The following GPR158 variants were observed in gnomAD, a reference collection of about 807,000 sequenced individuals.
GPR158 encodes the protein metabotropic glycine receptor.
A neutral mutation model predicts 78.2 loss-of-function variants in GPR158; 30 were observed. That is an observed-to-expected ratio of 0.38 (90% CI 0.29 to 0.52). The LOEUF is 0.52. Among genes scored for constraint, GPR158 ranks in the 20% least tolerant of loss-of-function variants. The pLI is 0.83. For synonymous variants in GPR158, 581 were observed against 591.1 expected, an observed-to-expected ratio of 0.98 and a Z score of 0.25; for missense variants, 1,463 against 1,523.5, an observed-to-expected ratio of 0.96 and a Z score of 0.66.
chr10:25,288,713 T>C (rs1854389200), intron 2 of GPR158, among the ~76,000 whole-genome samples: 1 of 152,198 alleles, frequency 6.6e-6, no homozygotes, highest in African/African-American at 2.4e-5. Context: ...TAAATATCTG[T>C]AGTTGGGAAT....
intron 2 of GPR158, among the ~76,000 whole-genome samples, chr10:25,296,609 C>T (rs919064140): frequency 5.3e-5 from 8 of 151,582 alleles, no homozygotes; most frequent in Non-Finnish European, 8.8e-5. Context: ...AAAATGAGTA[C>T]CCAGTATGTT....
At chr10:25,450,078 A>G (rs1835193527) in intron 4 of GPR158, among the ~76,000 whole-genome samples, 1 of 152,052 alleles carries the variant, frequency 6.6e-6, no homozygotes, top group Non-Finnish European at 1.5e-5. Flanking sequence ...TCAGAAAAAC[A>G]AAAAACTAAA....
intron 1 of GPR158, among the ~76,000 whole-genome samples, chr10:25,200,136 T>A (rs1409075229): frequency 6.6e-6 from 1 of 152,186 alleles, no homozygotes; most frequent in Non-Finnish European, 1.5e-5. Context: ...CCACCAATAG[T>A]GTATAAGTGT....
Position 25,176,198 on chromosome 10 carries a change from AAG to A in GPR158, c.781_782del (p.Ser261ProfsTer34). On this transcript the variant is annotated frameshift_variant, in exon 1 of 11. Coordinates refer to ENST00000376351, the MANE Select transcript of GPR158 (RefSeq NM_020752.3). LOFTEE classifies it high-confidence loss of function. This position sits in a 1 kb window ranked among gnomAD's most constrained non-coding sequence, Gnocchi z 6.3. Reference sequence around the variant, plus strand: ...GCGCAAGGACGGGCTCGGCGGGGACAAGAGCCACTTCAAGTGGTCTCCGCCTT... The same window carrying A: ...GCGCAAGGACGGGCTCGGCGGGGACAAGCCACTTCAAGTGGTCTCCGCCTT... ...WRRKDGLGGDKSHFKWSPPYL... is the reference protein window; with the variant it reads ...WRRKDGLGGDXSHFKWSPPYL... 1 of 1,583,560 alleles carries A rather than the reference AAG, an allele frequency of 6.3e-7. No homozygotes were observed. Among genetic ancestry groups the A allele is most frequent in the Non-Finnish European group, 8.6e-7 (1 of 1,165,904 alleles).
chr10:25,304,750 T>C (rs749676984), intron 2 of GPR158, among the ~76,000 whole-genome samples: 1 of 152,086 alleles, frequency 6.6e-6, no homozygotes, highest in Non-Finnish European at 1.5e-5. Context: ...GGCTAATAAG[T>C]ATCACAGTGA....
chr10:25,505,226 A>G (rs1362311037), intron 5 of GPR158, among the ~76,000 whole-genome samples: 1 of 152,140 alleles, frequency 6.6e-6, no homozygotes, highest in Non-Finnish European at 1.5e-5. Flanking sequence ...AGTAAAGGAG[A>G]TGTGTGAGGT....
In GPR158 at chr10:25,370,672, T is replaced by C. The variant is rs560479180; in HGVS notation, c.1009-25239T>C. 4.7e-5 allele frequency among the ~76,000 whole-genome samples: 7 copies of C among 150,534 alleles called. No individual in the cohort carries two copies. The South Asian group carries it at 1.5e-3, about 32-fold the overall frequency. ...GATTTGGGGTGGAGAGTTCTGTAGA[T>C]GTCTATTAGGTCCGCTTGATGCAGA... On this transcript the variant is annotated intron_variant, in intron 2 of 10. Transcript: ENST00000376351.
intron 2 of GPR158, among the ~76,000 whole-genome samples, chr10:25,228,552 G>T (rs1251964827): frequency 6.6e-6 from 1 of 152,132 alleles, no homozygotes; most frequent in African/African-American, 2.4e-5. Context: ...AGGTTCTCCA[G>T]TATGGTTTAA....
chr10:25,446,301 G>C (rs1043253022), intron 4 of GPR158, among the ~76,000 whole-genome samples: 3 of 152,146 alleles, frequency 2.0e-5, no homozygotes, highest in African/African-American at 4.8e-5. Context: ...ACAGCTCTCT[G>C]TGAGTCAGGA....
At chr10:25,282,842 A>G (rs948480087) in intron 2 of GPR158, among the ~76,000 whole-genome samples, 5 of 152,106 alleles carry the variant, frequency 3.3e-5, no homozygotes, top group African/African-American at 1.2e-4. Context: ...CTTATGAATT[A>G]TCTGAGTTCT....
chr10:25,466,635 T>G lies in GPR158; in HGVS notation c.1336-16T>G. 6.3e-7 allele frequency: 1 copy of G among 1,577,508 alleles called. No individual in the cohort carries two copies. The highest frequency in any genetic ancestry group is 1.1e-5 in the South Asian group (1 of 87,786). ...AAATGTAAGTTAGTAATGACGTTTTTATTTTGTTTTTTCAGAGCATCCGGG... is the reference window on the plus strand; with the variant it reads ...AAATGTAAGTTAGTAATGACGTTTTGATTTTGTTTTTTCAGAGCATCCGGG... On this transcript the variant is annotated splice_polypyrimidine_tract_variant and intron_variant, in intron 4 of 10. Transcript: ENST00000376351.
intron 5 of GPR158, among the ~76,000 whole-genome samples, chr10:25,534,252 G>C (rs190979437): frequency 6.6e-6 from 1 of 152,178 alleles, no homozygotes; most frequent in African/African-American, 2.4e-5. Context: ...GTTTCCAAAA[G>C]TAGCAGACAT....
rs577055451 is a variant in GPR158 at position 25,248,124 on chromosome 10, G to C, written c.1008+26967G>C. On this transcript the variant is annotated intron_variant, in intron 2 of 10. Coordinates refer to ENST00000376351, the MANE Select transcript of GPR158 (RefSeq NM_020752.3). ...CTGCATAAATGTCTTCTTTTGAGAA[G>C]TGTCTGTTCATATCCTTCGCCCACT... Among the ~76,000 whole-genome samples the C allele has an allele frequency of 1.7e-3, 255 of 152,126 alleles. 1 individual carries two copies. Among genetic ancestry groups the C allele is most frequent in the Non-Finnish European group, 2.2e-3 (151 of 67,952 alleles).
chr10:25,274,425 A>G (rs1358387794), intron 2 of GPR158, among the ~76,000 whole-genome samples: 2 of 152,246 alleles, frequency 1.3e-5, no homozygotes, highest in East Asian at 3.8e-4. Flanking sequence ...ATAGTTTTAT[A>G]TGAAGATTAA....
chr10:25,506,211 G>C (rs749598969), intron 5 of GPR158, among the ~76,000 whole-genome samples: 1 of 152,146 alleles, frequency 6.6e-6, no homozygotes, highest in African/African-American at 2.4e-5. Flanking sequence ...CCATCAAGGA[G>C]GAATTTCAGG....
intron 4 of GPR158, among the ~76,000 whole-genome samples, chr10:25,416,467 T>C (rs1405675650): frequency 6.6e-6 from 1 of 152,136 alleles, no homozygotes; most frequent in African/African-American, 2.4e-5. Flanking sequence ...TATTACTGGC[T>C]TTTCTAGGAA....
At chr10:25,239,473 TGGCAGGC>T (rs1415780757) in intron 2 of GPR158, among the ~76,000 whole-genome samples, 1 of 152,004 alleles carries the variant, frequency 6.6e-6, no homozygotes, top group African/African-American at 2.4e-5. Context: ...CCGGGCATGG[TGGCAGGC>T]ACCTGTAATC....
intron 2 of GPR158, among the ~76,000 whole-genome samples, chr10:25,365,428 A>G (rs1362885829): frequency 6.6e-6 from 1 of 151,676 alleles, no homozygotes; most frequent in Non-Finnish European, 1.5e-5. Flanking sequence ...TAGTATTGAA[A>G]AACCCTGCAA....
chr10:25,411,762 C>T (rs1834587163), intron 3 of GPR158, among the ~76,000 whole-genome samples: 1 of 151,516 alleles, frequency 6.6e-6, no homozygotes, highest in African/African-American at 2.4e-5. Context: ...AGTGAAACCC[C>T]ATCTCTACTA....
Sources: allele counts gnomAD v4.1 joint callset (sites outside exome capture counted in the v4.1 genomes callset), GRCh38; gene constraint gnomAD v4.1.1; non-coding constraint Gnocchi (gnomAD v3.1); transcripts MANE v1.5; gene names NCBI Gene and HGNC (gene_info 2026-07-23, HGNC 2026-07-21).